The following MYRFL variants were observed in gnomAD, a reference collection of about 807,000 sequenced individuals.
The protein encoded by MYRFL is myelin regulatory factor like.
MYRFL carries 88 observed loss-of-function variants against 109.4 expected under a neutral mutation model. The ratio of observed to expected loss-of-function variants is 0.80; its 90% CI spans 0.68 to 0.96. MYRFL has a LOEUF of 0.96. Among genes scored for constraint, MYRFL ranks in the 40% least tolerant of loss-of-function variants. The pLI is 0.00. For missense variants in MYRFL, 957 were observed against 954.9 expected (o/e 1.00, Z -0.03); for synonymous variants, 324 against 320.9 (o/e 1.01, Z -0.10).
intron 2 of MYRFL, among the ~76,000 whole-genome samples, chr12:69,877,318 A>C (rs1326647109): frequency 3.3e-5 from 5 of 151,986 alleles, no homozygotes; most frequent in Non-Finnish European, 5.9e-5. Context: ...CCACCGCGCC[A>C]GGCCTCCAGT....
At chr12:69,953,764 GACACACACAC>G (rs143170206) in intron 21 of MYRFL, among the ~76,000 whole-genome samples, 2 of 144,180 alleles carry the variant, frequency 1.4e-5, no homozygotes, top group Admixed American at 6.9e-5. Context: ...GTGCAACCCG[GACACACACAC>G]ACACACACAC....
At chr12:69,926,936 T>A (rs1566031051) in intron 14 of MYRFL, among the ~76,000 whole-genome samples, 1 of 13,206 alleles carries the variant, frequency 7.6e-5, no homozygotes, top group Non-Finnish European at 1.3e-4. Context: ...GTTGCTGGTT[T>A]TTTTTTTTTT....
Position 69,926,932 on chromosome 12 carries a change from G to GTTTTTTTTTTTT in MYRFL, c.1766+198_1766+199insTTTTTTTTTTTT, listed in dbSNP as rs1336716063. Among the ~76,000 whole-genome samples, 735 of 76,846 alleles carry GTTTTTTTTTTTT rather than the reference G, an allele frequency of 9.6e-3. 268 individuals carry two copies. The highest frequency in any genetic ancestry group is 0.015 in the Non-Finnish European group (591 of 39,078). 50.4% of individuals were successfully genotyped at this position (76,846 alleles called of 152,430 possible). The stretch of plus-strand genomic sequence containing the variant: ...ACTTTCTTAGTTTTTTTCTGTTGCT[G>GTTTTTTTTTTTT]GTTTTTTTTTTTTTTTTTTTTTTTT... On this transcript the variant is annotated intron_variant, in intron 14 of 24. Coordinates refer to ENST00000552032, the MANE Select transcript of MYRFL (RefSeq NM_182530.3).
Position 69,936,092 on chromosome 12 carries a change from T to G in MYRFL, c.1917-21T>G, listed in dbSNP as rs764372851. 2,440 of 1,399,104 alleles carry G rather than the reference T, an allele frequency of 1.7e-3. 5 individuals carry two copies. Among genetic ancestry groups the G allele is most frequent in the Admixed American group, 2.4e-3 (80 of 33,874 alleles). 86.7% of individuals were successfully genotyped at this position (1,399,104 alleles called of 1,614,324 possible). ...TGCCACATAATGTTTTTTTTTTTTTTTTTTTTTTTTTTTTTGACAGTGCTT... is the reference window on the plus strand; with the variant it reads ...TGCCACATAATGTTTTTTTTTTTTTGTTTTTTTTTTTTTTTGACAGTGCTT... On this transcript the variant is annotated intron_variant, in intron 16 of 24. Coordinates refer to ENST00000552032, the MANE Select transcript of MYRFL (RefSeq NM_182530.3).
At chr12:69,955,188 T>G (rs1381973603) in intron 21 of MYRFL, among the ~76,000 whole-genome samples, 175 bp from the exon 22 acceptor site, 2 of 152,178 alleles carry the variant, frequency 1.3e-5, no homozygotes, top group African/African-American at 2.4e-5. Context: ...ACTCTGAATT[T>G]GACAGGTATA....
chr12:69,832,734 A>G (rs563774541), intron 1 of MYRFL, among the ~76,000 whole-genome samples: 2 of 152,194 alleles, frequency 1.3e-5, no homozygotes, highest in Non-Finnish European at 2.9e-5. Flanking sequence ...GTGAGTGACA[A>G]TGGGGAGGGT....
Position 69,849,449 on chromosome 12 carries a change from G to A in MYRFL, c.47-5831G>A, listed in dbSNP as rs138775360. On this transcript the variant is annotated intron_variant, in intron 1 of 24. Coordinates refer to ENST00000552032, the MANE Select transcript of MYRFL (RefSeq NM_182530.3). ...CATTCACAAATTATATTAGTCTATG[G>A]TTTTCTTTATGCATTTCATCTCTAT... 1.9e-3 allele frequency among the ~76,000 whole-genome samples: 283 copies of A among 152,110 alleles called. 2 individuals are homozygous for A. The highest frequency in any genetic ancestry group is 6.7e-3 in the African/African-American group (278 of 41,526).
At chr12:69,832,715 G>C (rs915060579) in intron 1 of MYRFL, among the ~76,000 whole-genome samples, 1 of 152,058 alleles carries the variant, frequency 6.6e-6, no homozygotes, top group African/African-American at 2.4e-5. Context: ...AGGTGGAAGC[G>C]CTTGAAGTGT....
intron 7 of MYRFL, 56 bp downstream of exon 7, chr12:69,891,222 G>A: frequency 8.0e-7 from 1 of 1,253,694 alleles, no homozygotes. Context: ...TGTTTCAGTT[G>A]TCTATTGCTG....
intron 19 of MYRFL, among the ~76,000 whole-genome samples, chr12:69,951,748 C>T (rs929783570): frequency 2.0e-5 from 3 of 152,132 alleles, no homozygotes; most frequent in African/African-American, 2.4e-5. Context: ...TGCTCTTACA[C>T]GGACACAGGT....
rs375660645 is a variant in MYRFL, at chr12:69,906,513, A to G, written c.1383+2669A>G. Among the ~76,000 whole-genome samples the G allele has an allele frequency of 1.4e-3, 212 of 152,322 alleles. 2 individuals are homozygous for G. The South Asian group carries it at 0.027, about 19-fold the overall frequency. On this transcript the variant is annotated intron_variant, in intron 11 of 24. Transcript: ENST00000552032. ...GTTGAGAGTTGAATACATCAGTCAAATTCTGTGGTGAAGGCTGAAAAAAGG... is the reference window on the plus strand; with the variant it reads ...GTTGAGAGTTGAATACATCAGTCAAGTTCTGTGGTGAAGGCTGAAAAAAGG...
Position 69,958,826 on chromosome 12 carries a change from A to AGTT in MYRFL, c.*298_*300dup, listed in dbSNP as rs1326138198. 1 of 276,100 alleles carries AGTT rather than the reference A, an allele frequency of 3.6e-6. No individual in the cohort carries two copies. The highest frequency in any genetic ancestry group is 2.3e-5 in the African/African-American group (1 of 44,278). The allele number at this position is 276,100 out of a possible 1,614,324, so 17.1% of individuals were successfully genotyped here. On this transcript the variant is annotated 3_prime_UTR_variant, in exon 25 of 25. Transcript: ENST00000552032. ...ATACTATTATTTCTGGTATTAAGGA[A>AGTT]GTTGTGAGCTCAAAATAAGGAGATC...
chr12:69,893,873 T>C, intron 8 of MYRFL, 33 bp downstream of exon 8: 1 of 1,122,890 alleles, frequency 8.9e-7, no homozygotes, highest in Non-Finnish European at 1.2e-6. Flanking sequence ...CCTTTGTGAA[T>C]GTTTTGTGAA....
In MYRFL at chr12:69,880,951, G is replaced by GTTTTTTTTTTTTTTTTTTTTTTTTT. The variant is rs71094746; in HGVS notation, c.556+677_556+678insTTTTTTTTTTTTTTTTTTTTTTTTT. ...TAATGTCCAAGCGGTCAGCCTTCCT[G>GTTTTTTTTTTTTTTTTTTTTTTTTT]TTTTTTTTTTTTTTTTTTGTCTTAT... On this transcript the variant is annotated intron_variant, in intron 5 of 24. Transcript: ENST00000552032. 1.2e-4 allele frequency among the ~76,000 whole-genome samples: 13 copies of GTTTTTTTTTTTTTTTTTTTTTTTTT among 112,626 alleles called. 1 individual carries two copies. The highest frequency in any genetic ancestry group is 1.6e-4 in the Non-Finnish European group (9 of 55,772). 73.9% of individuals were successfully genotyped at this position (112,626 alleles called of 152,430 possible).
chr12:69,945,784 G>A (rs1420853055), intron 19 of MYRFL, among the ~76,000 whole-genome samples: 7 of 151,152 alleles, frequency 4.6e-5, no homozygotes, highest in African/African-American at 7.3e-5. Context: ...TCAGGAGATC[G>A]AGACCATCCT....
chr12:69,886,330 G>A (rs544228958), intron 5 of MYRFL, among the ~76,000 whole-genome samples: 3 of 152,278 alleles, frequency 2.0e-5, no homozygotes, highest in East Asian at 1.9e-4. Flanking sequence ...GCCAGCAGCT[G>A]TTGGCGATGT....
At chr12:69,857,577 A>G (rs1884374840) in intron 2 of MYRFL, among the ~76,000 whole-genome samples, 1 of 151,780 alleles carries the variant, frequency 6.6e-6, no homozygotes, top group Non-Finnish European at 1.5e-5. Flanking sequence ...AGTGTTTTAT[A>G]GTTTTCAACA....
At chr12:69,924,128 G>A (rs1015617492) in intron 13 of MYRFL, among the ~76,000 whole-genome samples, 8 of 147,368 alleles carry the variant, frequency 5.4e-5, no homozygotes, top group African/African-American at 1.3e-4. Context: ...GGCAGAGCTT[G>A]CAGTGAGCCG....
chr12:69,852,489 CTATT>C (rs567294711), intron 1 of MYRFL, among the ~76,000 whole-genome samples: 44 of 150,116 alleles, frequency 2.9e-4, no homozygotes, highest in South Asian at 8.4e-4. Context: ...AACCAACTAC[CTATT>C]TATTTATTTA....
Sources: allele counts gnomAD v4.1 joint callset (sites outside exome capture counted in the v4.1 genomes callset), GRCh38; gene constraint gnomAD v4.1.1; transcripts MANE v1.5; gene names NCBI Gene and HGNC (gene_info 2026-07-23, HGNC 2026-07-21).